ROR1: variants seen among roughly 807,000 people sequenced by gnomAD.
The protein encoded by ROR1 is ROR family WNT receptor 1.
Under a neutral mutation model 78.8 loss-of-function variants are expected in ROR1, and 19 were observed. The observed-to-expected ratio is 0.24, with a 90% CI of 0.17 to 0.35. The LOEUF (loss-of-function observed/expected upper bound fraction) is 0.35. ROR1 is among the 10% of genes least tolerant of loss of function. ROR1 has a pLI of 1.00. For synonymous variants in ROR1, 386 were observed against 433.6 expected (o/e 0.89, Z 1.36); for missense variants, 917 against 1,177.8 (o/e 0.78, Z 3.24).
At chr1:63,954,071 A>G (rs1645962561) in intron 1 of ROR1, among the ~76,000 whole-genome samples, 2 of 152,228 alleles carry the variant, frequency 1.3e-5, no homozygotes, top group Admixed American at 6.5e-5. Flanking sequence ...ATGGCATACT[A>G]GTCAGGATAC....
At chr1:64,013,502 T>C (rs1646493739) in intron 2 of ROR1, among the ~76,000 whole-genome samples, 1 of 152,222 alleles carries the variant, frequency 6.6e-6, no homozygotes, top group South Asian at 2.1e-4. Flanking sequence ...CCTTTGTTCA[T>C]GCAGCTTCCT....
intron 2 of ROR1, among the ~76,000 whole-genome samples, chr1:64,030,618 G>A (rs1394674936): frequency 1.3e-5 from 2 of 152,092 alleles, no homozygotes; most frequent in Non-Finnish European, 2.9e-5. Context: ...TGCATGACCA[G>A]TTTTCAGGAA....
chr1:63,818,847 C>G (rs1644907970), intron 1 of ROR1, among the ~76,000 whole-genome samples: 1 of 152,158 alleles, frequency 6.6e-6, no homozygotes, highest in Admixed American at 6.5e-5. Context: ...TACAGATGAG[C>G]AAACAGCCTA....
intron 1 of ROR1, among the ~76,000 whole-genome samples, chr1:63,891,472 A>C (rs1645395236): frequency 6.6e-6 from 1 of 152,134 alleles, no homozygotes. Context: ...GCGGTTGCCT[A>C]GGAATGTCAT....
intron 1 of ROR1, among the ~76,000 whole-genome samples, chr1:63,909,905 G>A (rs705521): frequency 0.65 from 98,372 of 152,052 alleles, 36,150 homozygotes; most frequent in East Asian, 0.96. Context: ...CAAAAAATAT[G>A]GTCTGTTCTC....
chr1:64,106,792 C>T (rs1167628871), intron 4 of ROR1: 1 of 152,160 alleles, frequency 6.6e-6, no homozygotes, highest in Admixed American at 6.5e-5. Context: ...AGCTTTGCAT[C>T]CCAGGGATGA....
chr1:63,957,424 C>T (rs1443316931), intron 1 of ROR1, among the ~76,000 whole-genome samples: 4 of 152,150 alleles, frequency 2.6e-5, no homozygotes, highest in East Asian at 1.9e-4. Context: ...GTGGGAGATG[C>T]GAATCCATGA....
chr1:64,020,353 T>G (rs766234), intron 2 of ROR1, among the ~76,000 whole-genome samples: 47,759 of 152,056 alleles, frequency 0.31, 7,909 homozygotes, highest in South Asian at 0.47. Flanking sequence ...CTTAGGTTCA[T>G]TTATTCAACA....
At chr1:64,133,572 A>G (rs1331523508) in intron 4 of ROR1, among the ~76,000 whole-genome samples, 3 of 152,230 alleles carry the variant, frequency 2.0e-5, no homozygotes, top group African/African-American at 4.8e-5. Context: ...GGCTGGCAAC[A>G]TGGTAACTCA....
intron 4 of ROR1, among the ~76,000 whole-genome samples, chr1:64,088,965 G>C (rs1247460636): frequency 2.0e-5 from 3 of 151,978 alleles, no homozygotes; most frequent in Non-Finnish European, 4.4e-5. Flanking sequence ...AATCTGGTTT[G>C]TTCTGGACAC....
intron 2 of ROR1, among the ~76,000 whole-genome samples, chr1:64,016,561 C>A (rs552012572): frequency 1.3e-5 from 2 of 152,038 alleles, no homozygotes; most frequent in African/African-American, 4.8e-5. Flanking sequence ...ATTGCTGGAA[C>A]CTTAGGTAAA....
intron 1 of ROR1, among the ~76,000 whole-genome samples, chr1:63,829,642 G>A (rs1209173022): frequency 1.3e-5 from 2 of 152,192 alleles, no homozygotes; most frequent in East Asian, 1.9e-4. Context: ...GGAACTGAAA[G>A]TAATTCAATC....
chr1:63,891,156 T>A lies in ROR1; in HGVS notation c.91+116648T>A, dbSNP rs147124860. On this transcript the variant is annotated intron_variant, in intron 1 of 8. Transcript: ENST00000371079. The stretch of plus-strand genomic sequence containing the variant: ...TCACTGTTCTTGAGATTTGCAGCAG[T>A]CACAAGTTCCAGTTTGCTAAGAAAT... 6.0e-4 allele frequency among the ~76,000 whole-genome samples: 91 copies of A among 152,286 alleles called. No homozygotes were observed. In the Middle Eastern group the frequency reaches 0.014, roughly 23 times the overall value.
chr1:64,015,986 C>T (rs1480270596), intron 2 of ROR1, among the ~76,000 whole-genome samples: 1 of 152,094 alleles, frequency 6.6e-6, no homozygotes, highest in Non-Finnish European at 1.5e-5. Context: ...TATAGGTGCT[C>T]ACTACTGGTA....
At chr1:64,042,147 G>A (rs1214148162) in intron 2 of ROR1, among the ~76,000 whole-genome samples, 1 of 152,162 alleles carries the variant, frequency 6.6e-6, no homozygotes, top group African/African-American at 2.4e-5. Flanking sequence ...GATAGTTACT[G>A]TAGCCAGGTG....
At chr1:64,019,199 T>C (rs1646545157) in intron 2 of ROR1, among the ~76,000 whole-genome samples, 1 of 152,202 alleles carries the variant, frequency 6.6e-6, no homozygotes, top group African/African-American at 2.4e-5. Context: ...GCCTTGTAGT[T>C]TGACTCTTCA....
intron 1 of ROR1, among the ~76,000 whole-genome samples, chr1:63,839,894 AT>A (rs1400895335): frequency 6.6e-6 from 1 of 152,186 alleles, no homozygotes; most frequent in Admixed American, 6.5e-5. Flanking sequence ...ATAAAACAAA[AT>A]TTGATGAAAA....
chr1:64,176,579 A>G (rs1650386567), intron 8 of ROR1, among the ~76,000 whole-genome samples: 2 of 152,224 alleles, frequency 1.3e-5, no homozygotes, highest in Admixed American at 1.3e-4. Flanking sequence ...TATGGAGGCC[A>G]CTTGTGTAAC....
intron 1 of ROR1, among the ~76,000 whole-genome samples, chr1:63,825,473 G>A (rs1644947521): frequency 1.3e-5 from 2 of 152,144 alleles, no homozygotes; most frequent in South Asian, 4.1e-4. Context: ...TTCTAGAAAA[G>A]GCAAAAAACT....
Sources: gnomAD v4.1 joint callset for allele counts (sites outside exome capture counted in the v4.1 genomes callset) on GRCh38, gnomAD v4.1.1 for gene constraint, MANE v1.5 for transcripts, NCBI Gene and HGNC (gene_info 2026-07-23, HGNC 2026-07-21) for gene names.